CFAP161: variants seen among roughly 807,000 people sequenced by gnomAD.
CFAP161 encodes the protein cilia and flagella associated protein 161, also known as cilia- and flagella-associated protein 161.
In CFAP161, 25 loss-of-function variants were observed where a neutral mutation model predicts 29.0. That is an observed-to-expected ratio of 0.86 (90% CI 0.63 to 1.20). The LOEUF (loss-of-function observed/expected upper bound fraction) is 1.20, where lower values mean the gene tolerates loss of function less well. CFAP161 is among the 50% of genes most tolerant of loss of function. CFAP161 has a pLI of 0.00. For synonymous variants in CFAP161, 116 were observed against 137.4 expected (o/e 0.84, Z 1.09); for missense variants, 367 against 371.9 (o/e 0.99, Z 0.11).
chr15:81,106,465 C>G (rs192745188), intron 1 of CFAP161, among the ~76,000 whole-genome samples: 5 of 152,258 alleles, frequency 3.3e-5, no homozygotes, highest in African/African-American at 1.2e-4. Context: ...CCACCGTGCC[C>G]GGCTGGCTTT....
upstream of CFAP161, among the ~76,000 whole-genome samples, chr15:81,131,136 T>TG (rs776734553): frequency 3.8e-5 from 5 of 130,914 alleles, no homozygotes; most frequent in East Asian, 4.6e-4. Flanking sequence ...CTTCAATTTG[T>TG]AAAAAAAAAA....
At chr15:81,128,655 C>T (rs1894671176) in intron 2 of CFAP161, among the ~76,000 whole-genome samples, 1 of 152,044 alleles carries the variant, frequency 6.6e-6, no homozygotes. Context: ...TCAATTTCTT[C>T]CAAACTCTCA....
chr15:81,132,591 G>A (rs1293391880), upstream of CFAP161, among the ~76,000 whole-genome samples: 1 of 151,992 alleles, frequency 6.6e-6, no homozygotes, highest in Non-Finnish European at 1.5e-5. Flanking sequence ...TTGTATTATT[G>A]GGTCTATTAT....
At chr15:81,107,092 T>C (rs1283836113) in intron 1 of CFAP161, among the ~76,000 whole-genome samples, 1 of 152,080 alleles carries the variant, frequency 6.6e-6, no homozygotes, top group Non-Finnish European at 1.5e-5. Flanking sequence ...ACAAGCCCAA[T>C]GCGACTATCT....
chr15:81,112,332 T>C (rs1894449164), intron 1 of CFAP161, among the ~76,000 whole-genome samples: 1 of 152,176 alleles, frequency 6.6e-6, no homozygotes, highest in Non-Finnish European at 1.5e-5. Flanking sequence ...CCCACTTCTC[T>C]TTTCTAAAAA....
intron 1 of CFAP161, among the ~76,000 whole-genome samples, chr15:81,121,212 C>T (rs1259447962): frequency 6.6e-6 from 1 of 152,208 alleles, no homozygotes; most frequent in Non-Finnish European, 1.5e-5. Context: ...TTTTCCTATA[C>T]TTCCTCTATC....
At chr15:81,138,498 A>G (rs1894851162) in intron 4 of CFAP161, among the ~76,000 whole-genome samples, 2 of 152,218 alleles carry the variant, frequency 1.3e-5, no homozygotes, top group African/African-American at 4.8e-5. Context: ...AAGGCATATT[A>G]TCTGACAACT....
At chr15:81,145,260 T>C (rs1894987773) in intron 5 of CFAP161, among the ~76,000 whole-genome samples, 2 of 152,226 alleles carry the variant, frequency 1.3e-5, no homozygotes, top group African/African-American at 4.8e-5. Flanking sequence ...TTATCTACAA[T>C]GAAACAGGCT....
upstream of CFAP161, among the ~76,000 whole-genome samples, chr15:81,133,366 A>G (rs542823614): frequency 6.6e-5 from 10 of 151,760 alleles, no homozygotes; most frequent in African/African-American, 2.4e-4. Flanking sequence ...CCATCAGCAC[A>G]TCTTTAATTG....
chr15:81,134,211 C>T, upstream of CFAP161: 3 of 1,247,452 alleles, frequency 2.4e-6, no homozygotes. Flanking sequence ...CGCGCTGTCG[C>T]TTATTGGCCA....
intron 3 of CFAP161, among the ~76,000 whole-genome samples, chr15:81,137,567 G>C (rs1320873919): frequency 2.0e-5 from 3 of 152,122 alleles, no homozygotes; most frequent in Non-Finnish European, 4.4e-5. Context: ...CTGAACTCCA[G>C]CCTGGGGGAA....
chr15:81,117,308 C>T (rs930882282), intron 1 of CFAP161, among the ~76,000 whole-genome samples: 4 of 152,008 alleles, frequency 2.6e-5, no homozygotes, highest in African/African-American at 9.7e-5. Flanking sequence ...AAAATGCTGT[C>T]GCAATCTCAG....
At chr15:81,103,206 A>T (rs1894323295) in intron 1 of CFAP161, among the ~76,000 whole-genome samples, 1 of 152,242 alleles carries the variant, frequency 6.6e-6, no homozygotes, top group African/African-American at 2.4e-5. Flanking sequence ...CAAAATAGAT[A>T]GTATTACTGT....
chr15:81,121,140 A>G (rs1218065209), intron 1 of CFAP161, among the ~76,000 whole-genome samples: 1 of 152,208 alleles, frequency 6.6e-6, no homozygotes, highest in Non-Finnish European at 1.5e-5. Flanking sequence ...TCTATAAATT[A>G]TTTTTGATGA....
rs780386737 is a variant in CFAP161, at chr15:81,134,333, G to T, written c.4G>T (p.Ala2Ser). Reference protein sequence around the residue: MAQNVYGPGVRI... With the variant: MSQNVYGPGVRI... ...ACTTGCTGAACAGCAGGGAGCGATGGCGCAGAACGTGTATGGTCCGGGAGT... is the reference window on the plus strand; with the variant it reads ...ACTTGCTGAACAGCAGGGAGCGATGTCGCAGAACGTGTATGGTCCGGGAGT... Residue 2 changes from alanine to serine, a missense_variant, in exon 1 of 7, where the codon GCG (alanine) becomes TCG (serine). Transcript: ENST00000286732. 43 of 1,587,140 alleles carry T rather than the reference G, an allele frequency of 2.7e-5. No individual in the cohort carries two copies. The highest frequency in any genetic ancestry group is 3.3e-5 in the Non-Finnish European group (39 of 1,167,700).
chr15:81,140,919 T>C (rs1894897363), intron 4 of CFAP161, among the ~76,000 whole-genome samples: 1 of 152,158 alleles, frequency 6.6e-6, no homozygotes, highest in African/African-American at 2.4e-5. Flanking sequence ...GACTATAGTG[T>C]CTTAATTATT....
chr15:81,131,932 T>C (rs1759374006), upstream of CFAP161, among the ~76,000 whole-genome samples: 1 of 151,488 alleles, frequency 6.6e-6, no homozygotes, highest in Non-Finnish European at 1.5e-5. Flanking sequence ...GCAGCAAGAG[T>C]ATGTGTAAGG....
chr15:81,119,092 G>A (rs1028381376), intron 1 of CFAP161, among the ~76,000 whole-genome samples: 1 of 152,090 alleles, frequency 6.6e-6, no homozygotes, highest in Non-Finnish European at 1.5e-5. Context: ...AATTTTTATT[G>A]AGTCCATTGA....
intron 3 of CFAP161, 55 bp from the exon 4 acceptor site, chr15:81,137,996 A>T: frequency 7.5e-7 from 1 of 1,327,236 alleles, no homozygotes; most frequent in Non-Finnish European, 1.1e-6. Context: ...AGAGTCATAG[A>T]ATGATTCTAA....
Sources: allele counts gnomAD v4.1 joint callset (sites outside exome capture counted in the v4.1 genomes callset), GRCh38; gene constraint gnomAD v4.1.1; transcripts MANE v1.5; gene names NCBI Gene and HGNC (gene_info 2026-07-23, HGNC 2026-07-21).